The following DSCAM variants were observed in gnomAD, a reference collection of about 807,000 sequenced individuals.
DSCAM encodes the protein DS cell adhesion molecule, also known as cell adhesion molecule DSCAM.
Under a neutral mutation model 217.7 loss-of-function variants are expected in DSCAM, and 47 were observed. The ratio of observed to expected loss-of-function variants is 0.22; its 90% CI spans 0.17 to 0.28. The LOEUF (loss-of-function observed/expected upper bound fraction) is 0.28, where lower values mean the gene tolerates loss of function less well. DSCAM is among the 10% of genes least tolerant of loss of function. The pLI, the probability that DSCAM is intolerant of heterozygous loss-of-function variation, is 1.00. For synonymous variants in DSCAM, 1,056 were observed against 1,015.3 expected (o/e 1.04, Z -0.76); for missense variants, 2,080 against 2,618.3 (o/e 0.79, Z 4.49).
intron 20 of DSCAM, among the ~76,000 whole-genome samples, chr21:40,101,007 AAACAGCC>A (rs1431934766): frequency 2.6e-5 from 4 of 152,202 alleles, no homozygotes; most frequent in Non-Finnish European, 5.9e-5. Flanking sequence ...GGAAATACAG[AAACAGCC>A]AACATTACGA....
chr21:40,223,686 C>T lies in DSCAM; in HGVS notation c.2357-34448G>A, dbSNP rs549846166. Among the ~76,000 whole-genome samples, 118 of 152,178 alleles carry T rather than the reference C, an allele frequency of 7.8e-4. 1 individual carries two copies. The highest frequency in any genetic ancestry group is 3.9e-4 in the Admixed American group (6 of 15,296). ...GTTGTTAACATGATCTAATAAAATG[C>T]CTAGGCTATATTTCAATGTGAAATT... is the stretch of plus-strand genomic sequence containing the variant. On this transcript the variant is annotated intron_variant, in intron 11 of 32. Coordinates refer to ENST00000400454, the MANE Select transcript of DSCAM (RefSeq NM_001389.5).
intron 32 of DSCAM, among the ~76,000 whole-genome samples, chr21:40,038,802 T>G (rs915396002): frequency 6.7e-6 from 1 of 149,776 alleles, no homozygotes; most frequent in Non-Finnish European, 1.5e-5. Flanking sequence ...ATTAAGAAAA[T>G]GTGGCACATA....
intron 3 of DSCAM, among the ~76,000 whole-genome samples, chr21:40,454,562 G>C (rs956002901): frequency 1.8e-4 from 27 of 152,174 alleles, no homozygotes; most frequent in African/African-American, 6.5e-4. Flanking sequence ...GATGGGCAAA[G>C]AGTTCACACG....
chr21:40,839,192 G>T (rs2092080555), intron 1 of DSCAM, among the ~76,000 whole-genome samples: 1 of 152,092 alleles, frequency 6.6e-6, no homozygotes, highest in African/African-American at 2.4e-5. Context: ...CACAAAGCCT[G>T]GGGTGATATT....
chr21:40,107,455 G>T (rs1197112643), intron 20 of DSCAM, among the ~76,000 whole-genome samples: 1 of 152,048 alleles, frequency 6.6e-6, no homozygotes, highest in African/African-American at 2.4e-5. Flanking sequence ...TGTTGTTTGG[G>T]GGTGGAGAGT....
chr21:40,624,068 C>G (rs1486551195), intron 3 of DSCAM, among the ~76,000 whole-genome samples: 1 of 152,126 alleles, frequency 6.6e-6, no homozygotes, highest in African/African-American at 2.4e-5. Context: ...ATCATATACA[C>G]CCATTCCAGG....
At position 40,652,229 on chromosome 21, in the gene DSCAM, A is replaced by G. The variant is rs542166105; in HGVS notation, c.508+40581T>C. Among the ~76,000 whole-genome samples the G allele has an allele frequency of 2.6e-5, 4 of 151,908 alleles. No individual in the cohort carries two copies. In the South Asian group the frequency reaches 8.3e-4, roughly 32 times the overall value. ...TGGGGCTTAATACCTGGGTCACGGAATGATCTGTGCGGCAAACCACCGTGG... is the reference window on the plus strand; with the variant it reads ...TGGGGCTTAATACCTGGGTCACGGAGTGATCTGTGCGGCAAACCACCGTGG... On this transcript the variant is annotated intron_variant, in intron 3 of 32. Transcript: ENST00000400454.
At chr21:40,648,076 AGTT>A (rs1386436675) in intron 3 of DSCAM, among the ~76,000 whole-genome samples, 1 of 147,446 alleles carries the variant, frequency 6.8e-6, no homozygotes, top group Non-Finnish European at 1.5e-5. Flanking sequence ...AAGCAGTTGT[AGTT>A]CACATACTTG....
At chr21:40,150,756 A>G (rs75557627) in intron 16 of DSCAM, among the ~76,000 whole-genome samples, 9,556 of 152,296 alleles carry the variant, frequency 0.063, 342 homozygotes, top group East Asian at 0.14. Context: ...TGCTTGGAGC[A>G]TGTGTCTACT....
chr21:40,742,860 C>T (rs994528500), intron 1 of DSCAM, among the ~76,000 whole-genome samples: 2 of 152,156 alleles, frequency 1.3e-5, no homozygotes, highest in Non-Finnish European at 2.9e-5. Flanking sequence ...CATCATCATC[C>T]TTTTAATTAA....
chr21:40,222,279 C>T (rs931748093), intron 11 of DSCAM, among the ~76,000 whole-genome samples: 1 of 152,144 alleles, frequency 6.6e-6, no homozygotes, highest in African/African-American at 2.4e-5. Flanking sequence ...ACATTTGGAA[C>T]GTCTACATTA....
In DSCAM at chr21:40,299,917, G is replaced by A. The variant is rs947232280; in HGVS notation, c.2063-3743C>T. ...AGAAATTGTCCTAAAAGAATCAGGA[G>A]CCCCCACAAGGAGTCACTTAGTAAT... is the stretch of plus-strand genomic sequence containing the variant. On this transcript the variant is annotated intron_variant, in intron 9 of 32. Transcript: ENST00000400454. Among the ~76,000 whole-genome samples, 19 of 152,040 alleles carry A rather than the reference G, an allele frequency of 1.2e-4. 1 individual carries two copies. The highest frequency in any genetic ancestry group is 1.2e-3 in the Admixed American group (19 of 15,262).
intron 20 of DSCAM, among the ~76,000 whole-genome samples, chr21:40,114,832 G>A (rs1189110341): frequency 5.9e-5 from 9 of 152,194 alleles, no homozygotes; most frequent in Non-Finnish European, 1.3e-4. Context: ...ATCACTGGCT[G>A]TTAGAGAAAT....
intron 1 of DSCAM, among the ~76,000 whole-genome samples, chr21:40,713,537 TTAAC>T (rs1247410995): frequency 1.3e-5 from 2 of 152,216 alleles, no homozygotes; most frequent in Non-Finnish European, 2.9e-5. Context: ...ACTTCATTCT[TTAAC>T]TAAGGTTAGG....
intron 3 of DSCAM, among the ~76,000 whole-genome samples, chr21:40,562,113 C>T (rs2076724978): frequency 1.3e-5 from 2 of 152,176 alleles, no homozygotes; most frequent in African/African-American, 4.8e-5. Context: ...TAACACACCC[C>T]TCCTGATATG....
chr21:40,060,247 G>A (rs923712219), intron 28 of DSCAM, among the ~76,000 whole-genome samples: 1 of 152,186 alleles, frequency 6.6e-6, no homozygotes, highest in African/African-American at 2.4e-5. Flanking sequence ...TCAACAGATG[G>A]TCTTGCAACC....
intron 9 of DSCAM, 120 bp from the exon 10 acceptor site, chr21:40,296,294 T>C (rs1487596713): frequency 1.7e-6 from 2 of 1,207,142 alleles, no homozygotes; most frequent in South Asian, 3.2e-5. Flanking sequence ...TTCATACACA[T>C]GGGACAATAA....
chr21:40,603,315 T>G (rs185049308), intron 3 of DSCAM, among the ~76,000 whole-genome samples: 2 of 152,170 alleles, frequency 1.3e-5, no homozygotes, highest in African/African-American at 2.4e-5. Context: ...TCATGAAGTA[T>G]TCTATGAATG....
At chr21:40,524,729 G>A (rs1185417682) in intron 3 of DSCAM, among the ~76,000 whole-genome samples, 1 of 151,990 alleles carries the variant, frequency 6.6e-6, no homozygotes, top group Non-Finnish European at 1.5e-5. Flanking sequence ...AAATTCACAG[G>A]GCCAGGTGTG....
Sources: gnomAD v4.1 joint callset for allele counts (sites outside exome capture counted in the v4.1 genomes callset) on GRCh38, gnomAD v4.1.1 for gene constraint, MANE v1.5 for transcripts, NCBI Gene and HGNC (gene_info 2026-07-23, HGNC 2026-07-21) for gene names.